Variants in KIAA1958 observed in about 807,000 individuals in gnomAD.
The protein encoded by KIAA1958 is uncharacterized protein KIAA1958.
Under a neutral mutation model 47.2 loss-of-function variants are expected in KIAA1958, and 14 were observed. The observed-to-expected ratio is 0.30, with a 90% CI of 0.20 to 0.46. The LOEUF (loss-of-function observed/expected upper bound fraction) is 0.46. Ranked by LOEUF, KIAA1958 falls within the 20% of genes least tolerant of loss-of-function variation. KIAA1958 has a pLI of 1.00. For missense variants in KIAA1958, 803 were observed against 909.2 expected (o/e 0.88, Z 1.50); for synonymous variants, 354 against 353.3 (o/e 1.00, Z -0.02).
Position 112,538,732 on chromosome 9 carries a change from A to G in KIAA1958, c.-24-35325A>G, listed in dbSNP as rs564880282. 2.6e-5 allele frequency among the ~76,000 whole-genome samples: 4 copies of G among 152,304 alleles called. No homozygotes were observed. The South Asian group carries it at 8.3e-4, about 32-fold the overall frequency. On this transcript the variant is annotated intron_variant, in intron 1 of 3. Transcript: ENST00000337530. ...TGAGGCATTTCAGTATATCCTTAAG[A>G]GTATTGAATCTAGAGGAACTGAATA...
At position 112,668,235 on chromosome 9, in the gene KIAA1958, G is replaced by A. The variant is rs746316981; in HGVS notation, c.*8166G>A. On this transcript the variant is annotated 3_prime_UTR_variant, in exon 4 of 4. Transcript: ENST00000337530. ...CCCATGTGCTTCTCCATGCTCAAAC[G>A]CAGAACTAAAAATGGGTATAAAGTC... is the stretch of plus-strand genomic sequence containing the variant. 6 of 152,092 alleles carry A rather than the reference G, an allele frequency of 3.9e-5. No individual in the cohort carries two copies. Among genetic ancestry groups the A allele is most frequent in the African/African-American group, 7.2e-5 (3 of 41,398 alleles). 9.4% of individuals were successfully genotyped at this position (152,092 alleles called of 1,614,324 possible).
At position 112,659,431 on chromosome 9, in the gene KIAA1958, T is replaced by C. The variant is rs777537766; in HGVS notation, c.1513T>C (p.Ser505Pro). The C allele has an allele frequency of 6.2e-7, 1 of 1,613,906 alleles. No homozygotes were observed. The highest frequency in any genetic ancestry group is 1.3e-5 in the African/African-American group (1 of 74,862). Residue 505 changes from serine (S) to proline (P), a missense_variant, in exon 4 of 4, where the codon TCC (serine) becomes CCC (proline). Around this residue, in one of 2 missense-constraint regions of KIAA1958, gnomAD observed 761 missense variants for 829.3 expected, o/e 0.92. Transcript: ENST00000337530. ...GFSITSSTFS[S>P]STKKLKEKLW... ...TTCCATCACCAGCAGCACCTTCAGCTCCTCCACCAAGAAACTCAAGGAGAA... is the reference window on the plus strand; with the variant it reads ...TTCCATCACCAGCAGCACCTTCAGCCCCTCCACCAAGAAACTCAAGGAGAA...
At chr9:112,606,830 C>T (rs1836244599) in intron 2 of KIAA1958, among the ~76,000 whole-genome samples, 1 of 152,132 alleles carries the variant, frequency 6.6e-6, no homozygotes, top group Admixed American at 6.5e-5. Context: ...CTGTAAAATC[C>T]AAAGCACCAA....
intron 1 of KIAA1958, among the ~76,000 whole-genome samples, chr9:112,547,031 CAA>C (rs1835048379): frequency 7.7e-5 from 1 of 12,974 alleles, no homozygotes. Flanking sequence ...CTCCTGGGTT[CAA>C]GCGATTCTCC....
chr9:112,555,201 G>A (rs923639771), intron 1 of KIAA1958, among the ~76,000 whole-genome samples: 1 of 152,172 alleles, frequency 6.6e-6, no homozygotes, highest in Non-Finnish European at 1.5e-5. Context: ...GGTAGGCGTG[G>A]TTGCTTGTTC....
At chr9:112,545,745 C>G (rs1488531310) in intron 1 of KIAA1958, among the ~76,000 whole-genome samples, 1 of 139,090 alleles carries the variant, frequency 7.2e-6, no homozygotes, top group Admixed American at 7.2e-5. Flanking sequence ...TTTTTATTTT[C>G]TTTTTGGGTC....
chr9:112,496,665 C>T (rs540037575), intron 1 of KIAA1958, among the ~76,000 whole-genome samples: 1 of 152,206 alleles, frequency 6.6e-6, no homozygotes, highest in Non-Finnish European at 1.5e-5. Flanking sequence ...TTTATTCCCA[C>T]TCCTGCCTCT....
chr9:112,533,428 A>AG (rs1834788048), intron 1 of KIAA1958, among the ~76,000 whole-genome samples: 1 of 149,302 alleles, frequency 6.7e-6, no homozygotes, highest in African/African-American at 2.5e-5. Context: ...ACAAAGAAAA[A>AG]AAAAATAGCC....
intron 1 of KIAA1958, among the ~76,000 whole-genome samples, chr9:112,488,444 A>C (rs1296712180): frequency 6.6e-6 from 1 of 152,238 alleles, no homozygotes; most frequent in Non-Finnish European, 1.5e-5. Flanking sequence ...TTAATTTTAC[A>C]GATTCAGATT....
chr9:112,531,602 A>G (rs1163201120), intron 1 of KIAA1958, among the ~76,000 whole-genome samples: 2 of 152,234 alleles, frequency 1.3e-5, no homozygotes, highest in African/African-American at 4.8e-5. Flanking sequence ...CAATGTAGAA[A>G]AGGAAGCTAA....
In KIAA1958 at chr9:112,547,667, A is replaced by G. The variant is rs75693571; in HGVS notation, c.-24-26390A>G. On this transcript the variant is annotated intron_variant, in intron 1 of 3. Transcript: ENST00000337530. ...AAAGAAATTGAAGTATTTTACCCCA[A>G]AATATATTTCTTTGACATATTTTGA... Among the ~76,000 whole-genome samples the G allele has an allele frequency of 4.9e-3, 752 of 152,242 alleles. 38 individuals are homozygous for G. In the East Asian group the frequency reaches 0.13, roughly 25 times the overall value.
intron 2 of KIAA1958, among the ~76,000 whole-genome samples, chr9:112,633,766 T>C (rs1836751500): frequency 6.6e-6 from 1 of 152,210 alleles, no homozygotes; most frequent in Non-Finnish European, 1.5e-5. Context: ...TTTGTGGGAT[T>C]CTTCCATGCT....
chr9:112,556,182 AC>A (rs1367772546), intron 1 of KIAA1958, among the ~76,000 whole-genome samples: 1 of 152,198 alleles, frequency 6.6e-6, no homozygotes, highest in Non-Finnish European at 1.5e-5. Flanking sequence ...AGTTTAAAAT[AC>A]TGCATGACAT....
intron 2 of KIAA1958, among the ~76,000 whole-genome samples, chr9:112,641,157 G>A (rs557428835): frequency 8.6e-5 from 13 of 151,784 alleles, no homozygotes; most frequent in Middle Eastern, 3.4e-3. Flanking sequence ...TCATTTTGCC[G>A]GCAAATATCT....
intron 3 of KIAA1958, among the ~76,000 whole-genome samples, chr9:112,658,952 G>A (rs1463587168): frequency 8.0e-5 from 12 of 149,504 alleles, no homozygotes; most frequent in Admixed American, 1.3e-4. Flanking sequence ...CCCGGGAGGC[G>A]GAGCTTGCAG....
chr9:112,563,085 C>CTCTCTATATA (rs10655286), intron 1 of KIAA1958, among the ~76,000 whole-genome samples: 1,548 of 131,506 alleles, frequency 0.012, 22 homozygotes, highest in East Asian at 0.082. Flanking sequence ...CTCTCTCTCT[C>CTCTCTATATA]TATATATATA....
At chr9:112,657,899 C>T (rs1837181376) in intron 3 of KIAA1958, among the ~76,000 whole-genome samples, 1 of 151,748 alleles carries the variant, frequency 6.6e-6, no homozygotes, top group African/African-American at 2.4e-5. Context: ...TCTTGTCACC[C>T]AGGCTGGAGT....
intron 1 of KIAA1958, among the ~76,000 whole-genome samples, chr9:112,534,768 T>G (rs1834821987): frequency 6.6e-6 from 1 of 152,136 alleles, no homozygotes; most frequent in South Asian, 2.1e-4. Flanking sequence ...GGTCTCAAAC[T>G]CCTGACCTCA....
chr9:112,518,325 G>A (rs575719755), intron 1 of KIAA1958, among the ~76,000 whole-genome samples: 7 of 152,312 alleles, frequency 4.6e-5, no homozygotes, highest in South Asian at 4.1e-4. Context: ...ATATCTATTA[G>A]CAAGTGAATG....
Sources: allele counts gnomAD v4.1 joint callset (sites outside exome capture counted in the v4.1 genomes callset), GRCh38; gene constraint gnomAD v4.1.1; regional missense constraint gnomAD v4.1.1; transcripts MANE v1.5; gene names NCBI Gene and HGNC (gene_info 2026-07-23, HGNC 2026-07-21).